Variants in ARHGEF37 observed in about 807,000 individuals in gnomAD.
The protein encoded by ARHGEF37 is Rho guanine nucleotide exchange factor (GEF) 37.
A neutral mutation model predicts 71.1 loss-of-function variants in ARHGEF37; 55 were observed. The observed-to-expected ratio is 0.77, with a 90% confidence interval of 0.62 to 0.97. The LOEUF is 0.97. ARHGEF37 is among the 50% of genes least tolerant of loss of function. ARHGEF37 has a pLI of 0.00. For missense variants in ARHGEF37, 765 were observed against 836.8 expected, an observed-to-expected ratio of 0.91 and a Z score of 1.06; for synonymous variants, 327 against 350.6, an observed-to-expected ratio of 0.93 and a Z score of 0.75.
chr5:149,620,177 A>T (rs939488733), intron 7 of ARHGEF37, among the ~76,000 whole-genome samples, 177 bp from the exon 8 acceptor site: 1 of 152,258 alleles, frequency 6.6e-6, no homozygotes, highest in African/African-American at 2.4e-5. Context: ...ACTCAGTCTA[A>T]GGCGGAACTT....
At chr5:149,597,661 T>G in intron 1 of ARHGEF37, 98 bp from the exon 2 acceptor site, 1 of 1,120,464 alleles carries the variant, frequency 8.9e-7, no homozygotes, top group Non-Finnish European at 1.2e-6. Flanking sequence ...GCTTAAGATG[T>G]TTTTAGGCCT....
intron 3 of ARHGEF37, among the ~76,000 whole-genome samples, chr5:149,609,289 T>A: frequency 6.6e-6 from 1 of 152,338 alleles, no homozygotes; most frequent in East Asian, 1.9e-4. Flanking sequence ...GGTATGACTA[T>A]AGCTACCATT....
At chr5:149,575,671 A>ATTTTTTTTTTTTTTTTTTTTTTTTT (rs751297275) in intron 1 of ARHGEF37, among the ~76,000 whole-genome samples, 1 of 107,284 alleles carries the variant, frequency 9.3e-6, no homozygotes, top group African/African-American at 3.4e-5. Context: ...CCAAATGACT[A>ATTTTTTTTTTTTTTTTTTTTTTTTT]TTTTTTTTTT....
At chr5:149,583,850 G>A (rs1422494225) in intron 1 of ARHGEF37, among the ~76,000 whole-genome samples, 1 of 151,964 alleles carries the variant, frequency 6.6e-6, no homozygotes, top group Non-Finnish European at 1.5e-5. Context: ...AGCCTCAACC[G>A]CCCAGGTTCA....
At chr5:149,564,765 C>T (rs1762879764) in intron 1 of ARHGEF37, among the ~76,000 whole-genome samples, 1 of 152,114 alleles carries the variant, frequency 6.6e-6, no homozygotes, top group African/African-American at 2.4e-5. Context: ...CGGAGGTTGC[C>T]GTGAACCGAG....
intron 12 of ARHGEF37, among the ~76,000 whole-genome samples, chr5:149,630,019 G>A (rs974005612): frequency 5.3e-5 from 8 of 152,000 alleles, no homozygotes; most frequent in Admixed American, 5.2e-4. Context: ...TGAATGGCAG[G>A]GGCTGGGGGT....
At chr5:149,588,909 T>C (rs2113281697) in intron 1 of ARHGEF37, among the ~76,000 whole-genome samples, 1 of 152,300 alleles carries the variant, frequency 6.6e-6, no homozygotes, top group South Asian at 2.1e-4. Flanking sequence ...TCAGCTTAGT[T>C]CCATTTTTCC....
intron 4 of ARHGEF37, among the ~76,000 whole-genome samples, chr5:149,615,473 G>A (rs1394560458): frequency 6.6e-6 from 1 of 151,946 alleles, no homozygotes; most frequent in African/African-American, 2.4e-5. Context: ...ATTAACAAGT[G>A]TTAACATTTT....
chr5:149,623,967 G>A, intron 9 of ARHGEF37, 45 bp from the exon 10 acceptor site: 14 of 1,549,408 alleles, frequency 9.0e-6, no homozygotes, highest in Non-Finnish European at 1.2e-5. Context: ...GGATCTCATT[G>A]TCCCCTCTTG....
rs1743513286 is a variant in ARHGEF37 at position 149,622,007 on chromosome 5, T to G, written c.1280T>G (p.Leu427Arg). Reference protein sequence around the residue: ...LGQIMCTFVTLQRDLAKQVLQ... With the variant: ...LGQIMCTFVTRQRDLAKQVLQ... ...CAGATCATGTGCACATTCGTGACCC[T>G]CCAGAGGGACCTTGCAAAGCAAGTG... is the stretch of plus-strand genomic sequence containing the variant. Residue 427 changes from leucine to arginine, a missense_variant, in exon 9 of 13, where the codon CTC (leucine) becomes CGC (arginine). By Grantham distance (102) the Leu-to-Arg change is moderately radical. This residue lies in a region of ARHGEF37 where 390 missense variants were observed against 407.4 expected (regional missense o/e 0.96). Transcript: ENST00000333677. The G allele has an allele frequency of 1.2e-6, 2 of 1,614,032 alleles. No individual in the cohort carries two copies. The highest frequency in any genetic ancestry group is 4.5e-5 in the East Asian group (2 of 44,884).
chr5:149,609,392 A>G (rs956825032), intron 3 of ARHGEF37, among the ~76,000 whole-genome samples, 156 bp from the exon 4 acceptor site: 9 of 152,190 alleles, frequency 5.9e-5, no homozygotes, highest in African/African-American at 2.2e-4. Flanking sequence ...AAAAACAGAA[A>G]GTCAGGAAGA....
intron 1 of ARHGEF37, among the ~76,000 whole-genome samples, chr5:149,588,195 C>G (rs571956590): frequency 1.5e-5 from 2 of 134,728 alleles, no homozygotes; most frequent in South Asian, 2.7e-4. Flanking sequence ...CGGTGCCCGG[C>G]CTTTTTGTTT....
intron 1 of ARHGEF37, among the ~76,000 whole-genome samples, chr5:149,587,425 G>A (rs1399007498): frequency 6.6e-6 from 1 of 152,268 alleles, no homozygotes; most frequent in East Asian, 1.9e-4. Context: ...CCATGTACCA[G>A]GCACTCTATT....
intron 1 of ARHGEF37, among the ~76,000 whole-genome samples, chr5:149,569,974 T>A (rs1440128453): frequency 6.6e-6 from 1 of 152,208 alleles, no homozygotes; most frequent in Non-Finnish European, 1.5e-5. Context: ...GTAGGAGTAC[T>A]GTTTTATATT....
At chr5:149,613,347 G>A (rs1290548019) in intron 4 of ARHGEF37, among the ~76,000 whole-genome samples, 1 of 117,460 alleles carries the variant, frequency 8.5e-6, no homozygotes, top group Non-Finnish European at 1.8e-5. Flanking sequence ...TAGATAGATA[G>A]AATTTTTTTT....
At chr5:149,624,240 A>T (rs1752619412) in intron 10 of ARHGEF37, 100 bp downstream of exon 10, 2 of 1,429,164 alleles carry the variant, frequency 1.4e-6, no homozygotes, top group Non-Finnish European at 1.9e-6. Context: ...TTGGTCCCCC[A>T]ATGTTTCCTG....
chr5:149,618,957 A>T lies in ARHGEF37; in HGVS notation c.809A>T (p.Asp270Val). The part of the protein sequence containing the change: ...LIPRTEDKEF[D>V]DLEERFQWVS... Reference sequence around the variant, plus strand: ...TTTCAGACAGAAGACAAGGAATTTGATGATTTAGAAGAGAGGTTCCAGTGG... The same window carrying T: ...TTTCAGACAGAAGACAAGGAATTTGTTGATTTAGAAGAGAGGTTCCAGTGG... Residue 270 changes from aspartate to valine, a missense_variant, in exon 7 of 13, where the codon GAT (aspartate) becomes GTT (valine). Asp to Val is a radical substitution (Grantham distance 152). This residue lies in a region of ARHGEF37 where 167 missense variants were observed against 173.3 expected (regional missense o/e 0.96). Transcript: ENST00000333677. The T allele has an allele frequency of 6.2e-7, 1 of 1,614,016 alleles. No individual in the cohort carries two copies. Among genetic ancestry groups the T allele is most frequent in the Non-Finnish European group, 8.5e-7 (1 of 1,179,890 alleles).
chr5:149,632,244 C>A lies in ARHGEF37; in HGVS notation c.*53C>A. 6.3e-7 allele frequency: 1 copy of A among 1,585,576 alleles called. No homozygotes were observed. Among genetic ancestry groups the A allele is most frequent in the Non-Finnish European group, 8.6e-7 (1 of 1,159,930 alleles). On this transcript the variant is annotated 3_prime_UTR_variant, in exon 13 of 13. Transcript: ENST00000333677. ...AAATGATGGGGGAGGCTTAGAGGCT[C>A]TGACCCTGGGGGGAAAAGAAGCAAA... is the stretch of plus-strand genomic sequence containing the variant.
chr5:149,601,143 C>T lies in ARHGEF37; in HGVS notation c.222C>T (p.Asn74=). The change falls in exon 3 of 13, where the codon AAC becomes AAT. Residue 74 remains asparagine, a synonymous_variant. Transcript: ENST00000333677. Reference sequence around the variant, plus strand: ...GAGATCTGGATGTCCTGTTCTCAAACATTGATGATATCATCAAAGTGAACA... The same window carrying T: ...GAGATCTGGATGTCCTGTTCTCAAATATTGATGATATCATCAAAGTGAACA... The part of the protein sequence containing the change: ...PQGDLDVLFS[N]IDDIIKVNSR... 2 of 1,612,982 alleles carry T rather than the reference C, an allele frequency of 1.2e-6. No homozygotes were observed. The highest frequency in any genetic ancestry group is 1.1e-5 in the South Asian group (1 of 91,010).
Sources: allele counts gnomAD v4.1 joint callset (sites outside exome capture counted in the v4.1 genomes callset), GRCh38; gene constraint gnomAD v4.1.1; regional missense constraint gnomAD v4.1.1; transcripts MANE v1.5; gene names NCBI Gene and HGNC (gene_info 2026-07-23, HGNC 2026-07-21).